The following PI4KA variants were observed in gnomAD, a reference collection of about 807,000 sequenced individuals.
The protein encoded by PI4KA is phosphatidylinositol 4-kinase alpha, also known as PI4-kinase alpha.
A neutral mutation model predicts 271.4 loss-of-function variants in PI4KA; 122 were observed. The ratio of observed to expected loss-of-function variants is 0.45; its 90% CI spans 0.39 to 0.52. PI4KA has a LOEUF of 0.52. Ranked by LOEUF, PI4KA falls within the 20% of genes least tolerant of loss-of-function variation. PI4KA has a pLI of 0.00. For missense variants in PI4KA, 1,969 were observed against 2,769.1 expected, an observed-to-expected ratio of 0.71 and a Z score of 6.48; for synonymous variants, 1,041 against 1,078.8, an observed-to-expected ratio of 0.96 and a Z score of 0.69.
chr22:20,779,866 A>G (rs997898499), intron 19 of PI4KA: 1 of 1,614,194 alleles, frequency 6.2e-7, no homozygotes, highest in African/African-American at 1.3e-5. Context: ...CATTTTAAAG[A>G]CTTTGTTAAT....
At chr22:20,820,727 G>C (rs1922551484) in intron 4 of PI4KA, 116 bp from the exon 5 acceptor site, 13 of 701,696 alleles carry the variant, frequency 1.9e-5, no homozygotes, top group African/African-American at 3.6e-5. Context: ...CCCCATATAT[G>C]ATACATCCCT....
intron 29 of PI4KA, 32 bp downstream of exon 29, chr22:20,747,551 G>T: frequency 6.2e-7 from 1 of 1,610,982 alleles, no homozygotes; most frequent in Non-Finnish European, 8.5e-7. Flanking sequence ...ATGGTCTAAG[G>T]GGTCACTGCT....
intron 7 of PI4KA, among the ~76,000 whole-genome samples, chr22:20,817,693 C>G (rs532345826): frequency 1.8e-5 from 2 of 112,264 alleles, no homozygotes; most frequent in South Asian, 6.4e-4. Flanking sequence ...ATGATCATGC[C>G]GCTGCACTCC....
At chr22:20,745,292 C>A (rs1048404365) in intron 29 of PI4KA, among the ~76,000 whole-genome samples, 3 of 152,176 alleles carry the variant, frequency 2.0e-5, no homozygotes, top group Admixed American at 6.5e-5. Flanking sequence ...AGCCTCCCAG[C>A]CCCAGGGCCT....
At chr22:20,753,212 C>G in intron 23 of PI4KA, 32 bp from the exon 24 acceptor site, 1 of 1,580,912 alleles carries the variant, frequency 6.3e-7, no homozygotes, top group Non-Finnish European at 8.7e-7. Context: ...GGATAAGGTG[C>G]AGCAACAGAG....
chr22:20,816,142 G>C (rs1921782437), intron 7 of PI4KA, among the ~76,000 whole-genome samples: 1 of 152,102 alleles, frequency 6.6e-6, no homozygotes, highest in African/African-American at 2.4e-5. Context: ...GTTTTGCCAT[G>C]TTGGCCAGGC....
chr22:20,779,650 T>C, intron 19 of PI4KA: 1 of 1,613,994 alleles, frequency 6.2e-7, no homozygotes, highest in Non-Finnish European at 8.5e-7. Context: ...GCTGGGAACA[T>C]CCTCCAGCTT....
rs1254723424 is a variant in PI4KA, at chr22:20,713,327, ATCT to A, written c.5522_5524del (p.Lys1841del). 3 of 1,600,498 alleles carry A rather than the reference ATCT, an allele frequency of 1.9e-6. No individual in the cohort carries two copies. The highest frequency in any genetic ancestry group is 1.7e-5 in the Admixed American group (1 of 59,214). On this transcript the variant is annotated inframe_deletion, in exon 48 of 55. Transcript: ENST00000255882. ...CTTGAAGATGGCTGCCTGCCAGGAG[ATCT>A]TCTGGCCGTCGGCCTCCTGCGTGCT...
At position 20,769,739 on chromosome 22, in the gene PI4KA, A is replaced by G. The variant is rs142463588; in HGVS notation, c.2329-4046T>C. ...AATAGATAAAGGATTCTAAAGAGATATAACAGTCAAATGCGACACATGAAA... is the reference window on the plus strand; with the variant it reads ...AATAGATAAAGGATTCTAAAGAGATGTAACAGTCAAATGCGACACATGAAA... On this transcript the variant is annotated intron_variant, in intron 19 of 54. Transcript: ENST00000255882. Among the ~76,000 whole-genome samples the G allele has an allele frequency of 3.2e-4, 49 of 152,262 alleles. 1 individual carries two copies. Among genetic ancestry groups the G allele is most frequent in the East Asian group, 3.1e-3 (16 of 5,186 alleles).
intron 3 of PI4KA, among the ~76,000 whole-genome samples, 165 bp from the exon 4 acceptor site, chr22:20,824,579 A>G (rs1363365303): frequency 6.6e-6 from 1 of 152,190 alleles, no homozygotes; most frequent in Non-Finnish European, 1.5e-5. Flanking sequence ...TATGGGCCCA[A>G]TGAGTTTGCT....
chr22:20,824,781 A>ACACAC (rs879423661), intron 3 of PI4KA, among the ~76,000 whole-genome samples: 126 of 136,576 alleles, frequency 9.2e-4, no homozygotes, highest in Non-Finnish European at 1.3e-3. Context: ...CACACACACA[A>ACACAC]AACACTCGGC....
chr22:20,744,448 G>T (rs1419615075), intron 30 of PI4KA, among the ~76,000 whole-genome samples, 180 bp downstream of exon 30: 1 of 40,492 alleles, frequency 2.5e-5, no homozygotes, highest in Admixed American at 3.1e-4. Flanking sequence ...CAAGTAACTG[G>T]TCATTAACAC....
At chr22:20,857,071 A>C (rs1415029218) in intron 1 of PI4KA, among the ~76,000 whole-genome samples, 1 of 152,252 alleles carries the variant, frequency 6.6e-6, no homozygotes, top group Non-Finnish European at 1.5e-5. Flanking sequence ...CATTAGTCAG[A>C]CTATCTAATG....
intron 1 of PI4KA, among the ~76,000 whole-genome samples, chr22:20,852,493 G>C (rs1290338998): frequency 6.6e-6 from 1 of 152,166 alleles, no homozygotes; most frequent in East Asian, 1.9e-4. Flanking sequence ...CCAGTCTGTG[G>C]TACTTTGTTA....
Position 20,858,709 on chromosome 22 carries a change from G to A in PI4KA, c.17C>T (p.Ala6Val). MAAAPARGGGGGGGGG... is the reference protein window; with the variant it reads MAAAPVRGGGGGGGGG... ...TCCGCCTCCGCCTCCGCCTCCCCGGGCCGGGGCCGCCGCCATCACCTCACG... is the reference window on the plus strand; with the variant it reads ...TCCGCCTCCGCCTCCGCCTCCCCGGACCGGGGCCGCCGCCATCACCTCACG... Residue 6 changes from alanine (A) to valine (V), a missense_variant, in exon 1 of 55, where the codon GCC becomes GTC. By Grantham distance (64) the Ala-to-Val change is moderately conservative. This residue lies in a region of PI4KA where 540 missense variants were observed against 555.5 expected (regional missense o/e 0.97). Transcript: ENST00000255882. 2.8e-6 allele frequency: 4 copies of A among 1,442,030 alleles called. No homozygotes were observed. The highest frequency in any genetic ancestry group is 2.7e-6 in the Non-Finnish European group (3 of 1,104,310). 89.3% of individuals were successfully genotyped at this position (1,442,030 alleles called of 1,614,324 possible).
At chr22:20,739,917 C>A (rs1420098786) in intron 32 of PI4KA, among the ~76,000 whole-genome samples, 1 of 151,940 alleles carries the variant, frequency 6.6e-6, no homozygotes. Context: ...CAAAAATTAG[C>A]CAGGCATGAT....
At chr22:20,721,464 TGAG>T in intron 42 of PI4KA, 46 bp from the exon 43 acceptor site, 2 of 1,606,510 alleles carry the variant, frequency 1.2e-6, no homozygotes, top group Non-Finnish European at 8.5e-7. Context: ...GCCCTCTCCA[TGAG>T]GAGGGCCTTG....
chr22:20,731,944 A>T (rs1601355574), intron 36 of PI4KA, among the ~76,000 whole-genome samples: 2 of 148,982 alleles, frequency 1.3e-5, no homozygotes, highest in East Asian at 4.0e-4. Flanking sequence ...ATAAAAATAA[A>T]AAAAAAAGTC....
At chr22:20,826,469 G>C (rs990624938) in intron 3 of PI4KA, among the ~76,000 whole-genome samples, 5 of 152,164 alleles carry the variant, frequency 3.3e-5, no homozygotes, top group African/African-American at 1.2e-4. Context: ...CATTTAGGTT[G>C]ATTCCTTATC....
Sources: allele counts gnomAD v4.1 joint callset (sites outside exome capture counted in the v4.1 genomes callset), GRCh38; gene constraint gnomAD v4.1.1; regional missense constraint gnomAD v4.1.1; transcripts MANE v1.5; gene names NCBI Gene and HGNC (gene_info 2026-07-23, HGNC 2026-07-21).